The following TFCP2 variants were observed in gnomAD, a reference collection of about 807,000 sequenced individuals.
TFCP2 encodes transcription factor CP2, also known as alpha-globin transcription factor CP2.
In TFCP2, 33 loss-of-function variants were observed where a neutral mutation model predicts 73.4. The ratio of observed to expected loss-of-function variants is 0.45; its 90% CI spans 0.34 to 0.60. The LOEUF (loss-of-function observed/expected upper bound fraction) is 0.60, where lower values mean the gene tolerates loss of function less well. TFCP2 is among the 20% of genes least tolerant of loss of function. The pLI is 0.01. For missense variants in TFCP2, 352 were observed against 604.0 expected, an observed-to-expected ratio of 0.58 and a Z score of 4.37; for synonymous variants, 193 against 211.6, an observed-to-expected ratio of 0.91 and a Z score of 0.76.
chr12:51,125,115 G>A, intron 1 of TFCP2: 2 of 751,438 alleles, frequency 2.7e-6, no homozygotes, highest in South Asian at 2.7e-5. Context: ...AAGCTGGCTA[G>A]CAACAGGCTG....
intron 1 of TFCP2, among the ~76,000 whole-genome samples, chr12:51,148,648 C>T (rs181704072): frequency 3.5e-5 from 5 of 141,192 alleles, no homozygotes; most frequent in Non-Finnish European, 3.0e-5. Flanking sequence ...TGCAGTGAGC[C>T]GAGATTGCAC....
chr12:51,115,845 T>C (rs1383552072), intron 4 of TFCP2, among the ~76,000 whole-genome samples: 2 of 152,212 alleles, frequency 1.3e-5, no homozygotes, highest in Non-Finnish European at 2.9e-5. Context: ...AGTAGTCCAA[T>C]TCATAGAGAC....
chr12:51,142,533 TTCC>T (rs1045820471), intron 1 of TFCP2, among the ~76,000 whole-genome samples: 45 of 152,290 alleles, frequency 3.0e-4, no homozygotes, highest in African/African-American at 1.0e-3. Context: ...GAAGGCTAAG[TTCC>T]TCCTCCTGGG....
chr12:51,104,021 T>A, intron 9 of TFCP2, 134 bp downstream of exon 9: 1 of 969,402 alleles, frequency 1.0e-6, no homozygotes. Flanking sequence ...TGGTTCATAG[T>A]CAAAATTCAA....
At chr12:51,153,080 T>C (rs886700368) in intron 1 of TFCP2, among the ~76,000 whole-genome samples, 2 of 152,250 alleles carry the variant, frequency 1.3e-5, no homozygotes, top group Non-Finnish European at 2.9e-5. Flanking sequence ...TAGTAAAATA[T>C]ACATAATACA....
intron 13 of TFCP2, among the ~76,000 whole-genome samples, chr12:51,096,457 A>C (rs1316024128): frequency 6.6e-6 from 1 of 152,154 alleles, no homozygotes; most frequent in Non-Finnish European, 1.5e-5. Flanking sequence ...CCCTTCTCCC[A>C]AGATAAAGGC....
chr12:51,142,016 G>C (rs766896887), intron 1 of TFCP2, among the ~76,000 whole-genome samples: 24 of 151,056 alleles, frequency 1.6e-4, no homozygotes, highest in Non-Finnish European at 3.0e-4. Context: ...CAGCCTGACT[G>C]ACACGGTGAA....
intron 1 of TFCP2, among the ~76,000 whole-genome samples, chr12:51,165,062 G>A (rs373276466): frequency 5.9e-5 from 9 of 151,920 alleles, no homozygotes; most frequent in African/African-American, 1.5e-4. Flanking sequence ...AAAAAGATAC[G>A]ATAAAATTCA....
intron 1 of TFCP2, among the ~76,000 whole-genome samples, chr12:51,125,741 A>T (rs1466894459): frequency 6.6e-6 from 1 of 152,188 alleles, no homozygotes; most frequent in African/African-American, 2.4e-5. Flanking sequence ...ACTCAGCACT[A>T]TATACACTAT....
intron 1 of TFCP2, among the ~76,000 whole-genome samples, chr12:51,162,252 C>T (rs2137045003): frequency 6.6e-6 from 1 of 152,208 alleles, no homozygotes; most frequent in South Asian, 2.1e-4. Context: ...TCAAGACCAG[C>T]CTGGCCAACA....
intron 1 of TFCP2, among the ~76,000 whole-genome samples, chr12:51,121,076 T>G (rs1026353640): frequency 3.3e-5 from 5 of 151,912 alleles, no homozygotes; most frequent in African/African-American, 1.2e-4. Flanking sequence ...ACAGAGTACT[T>G]CTGGGTACAA....
intron 13 of TFCP2, among the ~76,000 whole-genome samples, chr12:51,098,409 T>A (rs188812833): frequency 5.1e-4 from 78 of 152,246 alleles, no homozygotes; most frequent in African/African-American, 1.7e-3. Context: ...GTGGATCACT[T>A]GAGGCCAGGA....
At chr12:51,131,083 A>C (rs1041096322) in intron 1 of TFCP2, among the ~76,000 whole-genome samples, 1 of 151,214 alleles carries the variant, frequency 6.6e-6, no homozygotes, top group African/African-American at 2.4e-5. Context: ...TAATCCCAGC[A>C]CTTTGAGAGG....
chr12:51,143,065 C>G lies in TFCP2; in HGVS notation c.123-24293G>C, dbSNP rs78496926. On this transcript the variant is annotated intron_variant, in intron 1 of 14. Transcript: ENST00000257915. ...CAACTCCCTTGTGGCAACCCTCCCC[C>G]TCTACAAAATCTCTGGACTTGATTT... Among the ~76,000 whole-genome samples the G allele has an allele frequency of 3.9e-5, 6 of 152,190 alleles. No individual in the cohort carries two copies. In the East Asian group the frequency reaches 1.2e-3, roughly 29 times the overall value.
chr12:51,098,083 CAG>C (rs1334707198), intron 13 of TFCP2, among the ~76,000 whole-genome samples: 2 of 150,010 alleles, frequency 1.3e-5, no homozygotes, highest in African/African-American at 4.9e-5. Context: ...TTCAAGGAAA[CAG>C]AGGAATAGTA....
At chr12:51,110,851 C>T in intron 5 of TFCP2, 26 bp downstream of exon 5, 1 of 1,494,546 alleles carries the variant, frequency 6.7e-7, no homozygotes, top group Non-Finnish European at 9.3e-7. Flanking sequence ...CTCTTCAAAA[C>T]TGGAACCCTA....
At chr12:51,130,036 A>T (rs1940903681) in intron 1 of TFCP2, among the ~76,000 whole-genome samples, 1 of 152,122 alleles carries the variant, frequency 6.6e-6, no homozygotes, top group African/African-American at 2.4e-5. Context: ...CTGTAATCCC[A>T]GTTAATTGGG....
chr12:51,146,279 G>A (rs771881500), intron 1 of TFCP2, among the ~76,000 whole-genome samples: 2 of 151,818 alleles, frequency 1.3e-5, no homozygotes, highest in African/African-American at 4.8e-5. Context: ...CTACACTCCA[G>A]CCTGGGTGAC....
chr12:51,156,347 G>C (rs560452220), intron 1 of TFCP2, among the ~76,000 whole-genome samples: 23 of 152,056 alleles, frequency 1.5e-4, no homozygotes, highest in African/African-American at 5.1e-4. Flanking sequence ...GAAGCAAGGG[G>C]GGGGGAGGTG....
Sources: gnomAD v4.1 joint callset for allele counts (sites outside exome capture counted in the v4.1 genomes callset) on GRCh38, gnomAD v4.1.1 for gene constraint, MANE v1.5 for transcripts, NCBI Gene and HGNC (gene_info 2026-07-23, HGNC 2026-07-21) for gene names.